Variants in RYR3 observed in about 807,000 individuals in gnomAD.
The protein encoded by RYR3 is brain ryanodine receptor-calcium release channel.
In RYR3, 207 loss-of-function variants were observed where a neutral mutation model predicts 584.3. The ratio of observed to expected loss-of-function variants is 0.35; its 90% CI spans 0.32 to 0.40. The LOEUF is 0.40. Ranked by LOEUF, RYR3 falls within the 10% of genes least tolerant of loss-of-function variation. The probability of loss-of-function intolerance (pLI) is 1.00; values close to 1 mark genes in which losing one functional copy is unlikely to be tolerated. For synonymous variants in RYR3, 2,416 were observed against 2,248.5 expected, an observed-to-expected ratio of 1.07 and a Z score of -2.11; for missense variants, 5,616 against 6,089.2, an observed-to-expected ratio of 0.92 and a Z score of 2.59.
At chr15:33,731,383 C>G in intron 47 of RYR3, 91 bp from the exon 48 acceptor site, 1 of 859,578 alleles carries the variant, frequency 1.2e-6, no homozygotes. Context: ...TATATAAGCT[C>G]CCACAGCTTG....
Position 33,861,124 on chromosome 15 carries a change from C to T in RYR3, c.14411C>T (p.Thr4804Ile). The T allele has an allele frequency of 6.3e-7, 1 of 1,597,980 alleles. No homozygotes were observed. The highest frequency in any genetic ancestry group is 1.7e-5 in the Admixed American group (1 of 57,748). ...ATTGGCAATGACTACTTTGACACAA[C>T]CCCTCATGGTTTTGAAACACATACA... ...CGIGNDYFDTTPHGFETHTLQ... is the reference protein window; with the variant it reads ...CGIGNDYFDTIPHGFETHTLQ... Residue 4804 changes from threonine (T) to isoleucine (I), a missense_variant, in exon 102 of 104, where the codon ACC (threonine) becomes ATC (isoleucine). Thr to Ile is a moderately conservative substitution (Grantham distance 89, BLOSUM62 -1). Coordinates refer to ENST00000634891, the MANE Select transcript of RYR3 (RefSeq NM_001036.6).
chr15:33,656,804 C>T (rs1023523736), intron 32 of RYR3, among the ~76,000 whole-genome samples: 5 of 152,214 alleles, frequency 3.3e-5, no homozygotes, highest in East Asian at 1.9e-4. Flanking sequence ...ACGTGGCCCC[C>T]TCCATTTCAA....
intron 38 of RYR3, among the ~76,000 whole-genome samples, chr15:33,692,181 C>T (rs960397785): frequency 6.6e-6 from 1 of 152,154 alleles, no homozygotes; most frequent in African/African-American, 2.4e-5. Flanking sequence ...TTCTTTTTAA[C>T]TTCTGGACTC....
intron 21 of RYR3, among the ~76,000 whole-genome samples, chr15:33,628,943 A>C (rs1480912307): frequency 6.6e-6 from 1 of 152,206 alleles, no homozygotes; most frequent in Admixed American, 6.5e-5. Flanking sequence ...GAGGATAGGG[A>C]ATCTTTCATT....
At chr15:33,652,981 G>A in intron 32 of RYR3, 98 bp downstream of exon 32, 1 of 1,309,604 alleles carries the variant, frequency 7.6e-7, no homozygotes, top group Admixed American at 2.5e-5. Flanking sequence ...GCCACAGTGT[G>A]TCAAGCTGAT....
At chr15:33,518,165 A>T (rs909350683) in intron 3 of RYR3, among the ~76,000 whole-genome samples, 5 of 152,174 alleles carry the variant, frequency 3.3e-5, no homozygotes, top group Non-Finnish European at 7.4e-5. Flanking sequence ...GGGCCATCAC[A>T]AACTGCTTCT....
intron 1 of RYR3, among the ~76,000 whole-genome samples, chr15:33,399,023 G>A (rs139331400): frequency 2.8e-4 from 43 of 152,220 alleles, no homozygotes; most frequent in African/African-American, 9.6e-4. Flanking sequence ...CAGAATCCTG[G>A]ATTTATACAA....
chr15:33,748,431 T>TA, intron 54 of RYR3, 37 bp from the exon 55 acceptor site: 1 of 1,602,532 alleles, frequency 6.2e-7, no homozygotes, highest in Non-Finnish European at 8.5e-7. Flanking sequence ...ACAAGGAAAA[T>TA]AATGGCAACC....
chr15:33,805,279 A>G (rs2076123180), intron 69 of RYR3, among the ~76,000 whole-genome samples: 1 of 152,196 alleles, frequency 6.6e-6, no homozygotes, highest in Non-Finnish European at 1.5e-5. Flanking sequence ...GTGATGCAGG[A>G]AATATTAGAG....
chr15:33,690,917 T>G (rs1006228245), intron 38 of RYR3, among the ~76,000 whole-genome samples: 136 of 152,202 alleles, frequency 8.9e-4, no homozygotes, highest in Non-Finnish European at 1.6e-4. Flanking sequence ...ACTAAATTTT[T>G]CAAAACAAAG....
At chr15:33,860,548 C>T in intron 100 of RYR3, 47 bp from the exon 101 acceptor site, 1 of 1,191,872 alleles carries the variant, frequency 8.4e-7, no homozygotes, top group South Asian at 1.6e-5. Context: ...TTCCTCTACC[C>T]CTGAACCACT....
At chr15:33,585,342 A>T (rs2058794667) in intron 15 of RYR3, among the ~76,000 whole-genome samples, 1 of 152,218 alleles carries the variant, frequency 6.6e-6, no homozygotes, top group South Asian at 2.1e-4. Context: ...TAATTAAGCT[A>T]TTAGCCAGCT....
At chr15:33,627,907 C>A (rs1000652515) in intron 20 of RYR3, among the ~76,000 whole-genome samples, 45 of 152,146 alleles carry the variant, frequency 3.0e-4, no homozygotes, top group African/African-American at 1.1e-3. Context: ...GGTTTCATGA[C>A]TGATTAGATG....
At chr15:33,481,917 C>A (rs1157910679) in intron 2 of RYR3, among the ~76,000 whole-genome samples, 1 of 151,610 alleles carries the variant, frequency 6.6e-6, no homozygotes, top group Non-Finnish European at 1.5e-5. Context: ...TTTATTTCTA[C>A]CCATTTAAAA....
intron 2 of RYR3, among the ~76,000 whole-genome samples, chr15:33,490,123 A>G (rs956500878): frequency 6.6e-6 from 1 of 152,214 alleles, no homozygotes; most frequent in African/African-American, 2.4e-5. Context: ...AAATTATTTC[A>G]GGGAATGATT....
intron 1 of RYR3, among the ~76,000 whole-genome samples, chr15:33,374,226 G>A (rs547151254): frequency 1.3e-5 from 2 of 152,262 alleles, no homozygotes; most frequent in South Asian, 4.2e-4. Context: ...CTGAGTAATG[G>A]AGTATCAACT....
At chr15:33,757,831 A>C in intron 60 of RYR3, 1 of 534,918 alleles carries the variant, frequency 1.9e-6, no homozygotes. Flanking sequence ...ATATAATTAA[A>C]TCAACATCGG....
rs140850611 is a variant in RYR3, at chr15:33,464,489, TAC to T, written c.52-8926_52-8925del. On this transcript the variant is annotated intron_variant, in intron 1 of 103. Coordinates refer to ENST00000634891, the MANE Select transcript of RYR3 (RefSeq NM_001036.6). ...ATATATATATATATATATATATATA[TAC>T]ACATATATATATACATACACATACA... Among the ~76,000 whole-genome samples, 656 of 67,350 alleles carry T rather than the reference TAC, an allele frequency of 9.7e-3. 11 individuals are homozygous for T. The highest frequency in any genetic ancestry group is 0.012 in the Non-Finnish European group (412 of 35,270). The allele number at this position is 67,350 out of a possible 152,430, so 44.2% of individuals were successfully genotyped here.
At chr15:33,345,762 T>C (rs1361271427) in intron 1 of RYR3, among the ~76,000 whole-genome samples, 2 of 152,186 alleles carry the variant, frequency 1.3e-5, no homozygotes, top group Middle Eastern at 6.3e-3. Flanking sequence ...GTTTTTAATA[T>C]GGAAAATTTT....
Sources: gnomAD v4.1 joint callset for allele counts (sites outside exome capture counted in the v4.1 genomes callset) on GRCh38, gnomAD v4.1.1 for gene constraint, MANE v1.5 for transcripts, NCBI Gene and HGNC (gene_info 2026-07-23, HGNC 2026-07-21) for gene names.